STPG2: variants seen among roughly 807,000 people sequenced by gnomAD.
STPG2 encodes the protein sperm tail PG-rich repeat containing 2, also known as sperm-tail PG-rich repeat-containing protein 2.
Under a neutral mutation model 54.2 loss-of-function variants are expected in STPG2, and 56 were observed. The observed-to-expected ratio is 1.03, with a 90% CI of 0.83 to 1.29. The LOEUF is 1.29. Among genes scored for constraint, STPG2 ranks in the 50% most tolerant of loss-of-function variants. The pLI is 0.00. For synonymous variants in STPG2, 200 were observed against 181.8 expected (o/e 1.10, Z -0.81); for missense variants, 596 against 544.9 (o/e 1.09, Z -0.93).
At chr4:97,908,408 C>G (rs1480205423) in intron 8 of STPG2, among the ~76,000 whole-genome samples, 3 of 149,272 alleles carry the variant, frequency 2.0e-5, no homozygotes, top group Non-Finnish European at 4.4e-5. Flanking sequence ...CACTTTTACG[C>G]TGTTGGTGGG....
chr4:97,948,467 AGTTT>A (rs1733334283), intron 7 of STPG2, among the ~76,000 whole-genome samples: 1 of 151,778 alleles, frequency 6.6e-6, no homozygotes, highest in African/African-American at 2.4e-5. Flanking sequence ...ATTTGGGCTT[AGTTT>A]GTTCTTGTTT....
intron 10 of STPG2, among the ~76,000 whole-genome samples, chr4:97,622,595 C>G (rs1183727439): frequency 6.6e-6 from 1 of 152,004 alleles, no homozygotes; most frequent in Non-Finnish European, 1.5e-5. Flanking sequence ...AATTACAAAA[C>G]ACTGCACAAA....
chr4:97,700,836 C>A (rs1723748580), intron 10 of STPG2, among the ~76,000 whole-genome samples: 1 of 152,220 alleles, frequency 6.6e-6, no homozygotes, highest in African/African-American at 2.4e-5. Flanking sequence ...TATGCAGCTC[C>A]TGAGTCAATG....
At chr4:97,468,795 C>T (rs1729853248) in intron 4 of STPG2, among the ~76,000 whole-genome samples, 2 of 152,008 alleles carry the variant, frequency 1.3e-5, no homozygotes, top group South Asian at 4.1e-4. Flanking sequence ...CAAATAGCCT[C>T]ATAGTGATTT....
chr4:98,048,296 A>G lies in STPG2; in HGVS notation c.612+57657T>C, dbSNP rs1431946490. ...ATTTACAGAGGAACTCCAGGTTTTC[A>G]AGAATAATAAGACACTATCCTGGAT... On this transcript the variant is annotated intron_variant, in intron 5 of 10. Coordinates refer to ENST00000295268, the MANE Select transcript of STPG2 (RefSeq NM_174952.3). 2.0e-5 allele frequency among the ~76,000 whole-genome samples: 3 copies of G among 152,272 alleles called. No homozygotes were observed. The East Asian group carries it at 5.8e-4, about 29-fold the overall frequency.
At chr4:97,804,363 T>C (rs1727488599) in intron 9 of STPG2, among the ~76,000 whole-genome samples, 2 of 152,118 alleles carry the variant, frequency 1.3e-5, no homozygotes, top group African/African-American at 2.4e-5. Context: ...GACATACTGA[T>C]TATCCTGACC....
rs192083705 is a variant in STPG2, at chr4:97,819,029, G to T, written c.1204+21744C>A. On this transcript the variant is annotated intron_variant, in intron 9 of 10. Transcript: ENST00000295268. The stretch of plus-strand genomic sequence containing the variant: ...TCCAAAGAAACAAAAATAATTTGAG[G>T]TTGAAAATTAATAAAGTTAGTTCAT... 2.8e-3 allele frequency among the ~76,000 whole-genome samples: 420 copies of T among 149,040 alleles called. 3 individuals carry two copies. Among genetic ancestry groups the T allele is most frequent in the African/African-American group, 9.4e-3 (384 of 40,954 alleles).
intron 5 of STPG2, among the ~76,000 whole-genome samples, chr4:98,027,962 A>G (rs528764588): frequency 1.0e-3 from 159 of 152,248 alleles, no homozygotes; most frequent in African/African-American, 3.7e-3. Flanking sequence ...TGAGTCTCCT[A>G]CATCTGTCAT....
chr4:97,873,498 ATAAC>A (rs1381385343), intron 8 of STPG2, among the ~76,000 whole-genome samples: 1 of 151,608 alleles, frequency 6.6e-6, no homozygotes, highest in African/African-American at 2.4e-5. Context: ...TTACACTACA[ATAAC>A]AAAAAGCACT....
intron 10 of STPG2, among the ~76,000 whole-genome samples, chr4:97,702,073 G>A (rs951478224): frequency 6.6e-6 from 1 of 152,126 alleles, no homozygotes; most frequent in Non-Finnish European, 1.5e-5. Context: ...GGATGAGTAG[G>A]TCTAAAGACT....
chr4:97,842,593 G>C (rs564862151), intron 8 of STPG2, among the ~76,000 whole-genome samples: 14 of 151,932 alleles, frequency 9.2e-5, no homozygotes, highest in Non-Finnish European at 1.5e-4. Context: ...TCTTCTTCCA[G>C]TGCCTAGACT....
chr4:97,904,404 A>G lies in STPG2; in HGVS notation c.1044+39493T>C, dbSNP rs547829589. ...CTGCAGCTGAGGGTCCTGTCTGTTA[A>G]AAGGAAAACTAACAAACAGAAAGGA... On this transcript the variant is annotated intron_variant, in intron 8 of 10. Transcript: ENST00000295268. 2.6e-5 allele frequency among the ~76,000 whole-genome samples: 4 copies of G among 152,332 alleles called. No individual in the cohort carries two copies. In the East Asian group the frequency reaches 7.7e-4, roughly 29 times the overall value.
chr4:98,073,974 C>A (rs977855505), intron 5 of STPG2, among the ~76,000 whole-genome samples: 1 of 152,092 alleles, frequency 6.6e-6, no homozygotes, highest in Non-Finnish European at 1.5e-5. Context: ...AATCCTCTCC[C>A]CTCAGATCTT....
At chr4:97,611,815 T>C (rs911758202) in intron 10 of STPG2, among the ~76,000 whole-genome samples, 2 of 151,812 alleles carry the variant, frequency 1.3e-5, no homozygotes, top group Non-Finnish European at 2.9e-5. Flanking sequence ...AAATTTCATA[T>C]GGATTATAGT....
chr4:97,781,600 G>T (rs991575860), intron 9 of STPG2, among the ~76,000 whole-genome samples: 1 of 152,104 alleles, frequency 6.6e-6, no homozygotes, highest in African/African-American at 2.4e-5. Context: ...TCATCATCCT[G>T]ATACTAAAGC....
At chr4:98,135,872 A>G (rs535285245) in intron 1 of STPG2, among the ~76,000 whole-genome samples, 1 of 151,916 alleles carries the variant, frequency 6.6e-6, no homozygotes, top group East Asian at 1.9e-4. Flanking sequence ...AGAGAACAAG[A>G]ACCAGATTTC....
chr4:97,476,518 T>C (rs1356104895), intron 4 of STPG2, among the ~76,000 whole-genome samples: 1 of 152,188 alleles, frequency 6.6e-6, no homozygotes, highest in Non-Finnish European at 1.5e-5. Context: ...TTTTTCCATA[T>C]TGCATTGTTT....
chr4:97,845,573 A>G (rs1246194935), intron 8 of STPG2, among the ~76,000 whole-genome samples: 2 of 152,176 alleles, frequency 1.3e-5, no homozygotes, highest in African/African-American at 4.8e-5. Flanking sequence ...AACATTTTAA[A>G]ACTATTGACC....
intron 10 of STPG2, among the ~76,000 whole-genome samples, chr4:97,560,276 C>G (rs1273229686): frequency 6.6e-6 from 1 of 152,134 alleles, no homozygotes; most frequent in Non-Finnish European, 1.5e-5. Context: ...TGAAATATAA[C>G]TAGGAAAATT....
Sources: gnomAD v4.1 joint callset for allele counts (sites outside exome capture counted in the v4.1 genomes callset) on GRCh38, gnomAD v4.1.1 for gene constraint, MANE v1.5 for transcripts, NCBI Gene and HGNC (gene_info 2026-07-23, HGNC 2026-07-21) for gene names.